SHISA7: variants seen among roughly 807,000 people sequenced by gnomAD.
SHISA7 encodes the protein protein shisa-7.
Under a neutral mutation model 23.9 loss-of-function variants are expected in SHISA7, and 6 were observed. The observed-to-expected ratio is 0.25, with a 90% CI of 0.14 to 0.50. The LOEUF (loss-of-function observed/expected upper bound fraction) is 0.50. Ranked by LOEUF, SHISA7 falls within the 20% of genes least tolerant of loss-of-function variation. SHISA7 has a pLI of 0.98. For synonymous variants in SHISA7, 386 were observed against 398.3 expected, an observed-to-expected ratio of 0.97 and a Z score of 0.37; for missense variants, 671 against 801.1, an observed-to-expected ratio of 0.84 and a Z score of 1.96.
At position 55,442,224 on chromosome 19, in the gene SHISA7, G is replaced by A; in HGVS notation, c.640C>T (p.Pro214Ser). The A allele has an allele frequency of 2.0e-6, 3 of 1,534,040 alleles. No homozygotes were observed. The highest frequency in any genetic ancestry group is 1.2e-5 in the South Asian group (1 of 83,978). Residue 214 changes from proline to serine, a missense_variant, in exon 1 of 4, where the codon CCC (proline) becomes TCC (serine). Physicochemically the swap from Pro to Ser is moderately conservative, Grantham distance 74. This residue lies in a region of SHISA7 where 457 missense variants were observed against 488.3 expected (regional missense o/e 0.94). Coordinates refer to ENST00000376325, the MANE Select transcript of SHISA7 (RefSeq NM_001145176.2). ...ACGTTGATATCCCGGTGCGCCCGGGGCGCACGGGACGCCTTGCTGAAGGCC... is the reference window on the plus strand; with the variant it reads ...ACGTTGATATCCCGGTGCGCCCGGGACGCACGGGACGCCTTGCTGAAGGCC... ...KVAFSKASRAPRAHRDINVPR... is the reference protein window; with the variant it reads ...KVAFSKASRASRAHRDINVPR...
Position 55,433,033 on chromosome 19 carries a change from TTTCA to T in SHISA7, c.*119_*122del. On this transcript the variant is annotated 3_prime_UTR_variant, in exon 4 of 4. Coordinates refer to ENST00000376325, the MANE Select transcript of SHISA7 (RefSeq NM_001145176.2). The surrounding 1 kb of genome is among the most constrained non-coding windows in gnomAD (Gnocchi z 8.4). ...CTGCCAGGACATCCCAGAAGGAGGC[TTTCA>T]CTCCTGTCCAAGGGCCGATCTGGGC... 8.2e-7 allele frequency: 1 copy of T among 1,215,918 alleles called. No homozygotes were observed. Among genetic ancestry groups the T allele is most frequent in the Non-Finnish European group, 1.1e-6 (1 of 924,962 alleles). The allele number at this position is 1,215,918 out of a possible 1,614,324, so 75.3% of individuals were successfully genotyped here.
At chr19:55,438,627 C>T in intron 2 of SHISA7, 1 of 1,304,272 alleles carries the variant, frequency 7.7e-7, no homozygotes, top group South Asian at 1.2e-5. Context: ...TGCAGATTAT[C>T]TGGGGGGACC....
At chr19:55,434,504 G>A (rs532407973) in intron 3 of SHISA7, among the ~76,000 whole-genome samples, 25 of 127,494 alleles carry the variant, frequency 2.0e-4, no homozygotes, top group African/African-American at 7.6e-4. Flanking sequence ...TATGTGGTGT[G>A]TATGTGGTGT....
chr19:55,433,722 C>G lies in SHISA7; in HGVS notation c.1051G>C (p.Ala351Pro), dbSNP rs1985273588. The G allele has an allele frequency of 3.4e-6, 5 of 1,473,258 alleles. No homozygotes were observed. The highest frequency in any genetic ancestry group is 1.9e-4 in the Middle Eastern group (1 of 5,404). 91.3% of individuals were successfully genotyped at this position (1,473,258 alleles called of 1,614,324 possible). ...CCCCCCGTGCCCGGCCGCCGCAGCGCGTGCAGGGGCAGCGTGCCGCGGGGC... is the reference window on the plus strand; with the variant it reads ...CCCCCCGTGCCCGGCCGCCGCAGCGGGTGCAGGGGCAGCGTGCCGCGGGGC... ...ELPRGTLPLH[A>P]LRRPGTGGGY... The change falls in exon 4 of 4, where the codon GCG (alanine) becomes CCG (proline). Residue 351 changes from alanine to proline, a missense_variant. By Grantham distance (27) the Ala-to-Pro change is conservative. Around this residue, in one of 5 missense-constraint regions of SHISA7, gnomAD observed 457 missense variants for 488.3 expected, o/e 0.94. Transcript: ENST00000376325. This position sits in a 1 kb window ranked among gnomAD's most constrained non-coding sequence, Gnocchi z 8.4.
rs549280083 is a variant in SHISA7, at chr19:55,437,664, G to A, written c.917C>T (p.Pro306Leu). 2 of 1,551,586 alleles carry A rather than the reference G, an allele frequency of 1.3e-6. No homozygotes were observed. The highest frequency in any genetic ancestry group is 1.2e-5 in the South Asian group (1 of 84,066). ...RSFHNLSHLPPSYEAAVKSEL... is the reference protein window; with the variant it reads ...RSFHNLSHLPLSYEAAVKSEL... ...GGATTTCACGGCAGCCTCGTAGGACGGGGGCAGATGCGAGAGGTTGTGGAA... is the reference window on the plus strand; with the variant it reads ...GGATTTCACGGCAGCCTCGTAGGACAGGGGCAGATGCGAGAGGTTGTGGAA... Residue 306 changes from proline (P) to leucine (L), a missense_variant, in exon 3 of 4, where the codon CCG (proline) becomes CTG (leucine). By Grantham distance (98) the Pro-to-Leu change is moderately conservative. Coordinates refer to ENST00000376325, the MANE Select transcript of SHISA7 (RefSeq NM_001145176.2).
chr19:55,434,896 GTGTGGTGTGTGTGTATA>G (rs1241994262), intron 3 of SHISA7, among the ~76,000 whole-genome samples: 49 of 118,228 alleles, frequency 4.1e-4, no homozygotes, highest in South Asian at 8.3e-4. Context: ...TATGTGGTGT[GTGTGGTGTGTGTGTATA>G]TGTGGTGTGT....
Position 55,432,584 on chromosome 19 carries a change from ACAT to A in SHISA7, c.*569_*571del, listed in dbSNP as rs1031112894. 2.6e-5 allele frequency: 4 copies of A among 152,642 alleles called. No individual in the cohort carries two copies. The highest frequency in any genetic ancestry group is 1.3e-4 in the Admixed American group (2 of 15,274). The allele number at this position is 152,642 out of a possible 1,614,324, so 9.5% of individuals were successfully genotyped here. On this transcript the variant is annotated 3_prime_UTR_variant, in exon 4 of 4. Transcript: ENST00000376325. The surrounding 1 kb of genome is among the most constrained non-coding windows in gnomAD (Gnocchi z 4.6). ...GAAGATGGCTTTGTCTGTAATGATGACATCATAGGACAGAGGCATCTTCTCTGC... is the reference window on the plus strand; with the variant it reads ...GAAGATGGCTTTGTCTGTAATGATGACATAGGACAGAGGCATCTTCTCTGC...
rs538716224 is a variant in SHISA7, at chr19:55,431,764, T to C, written c.*1392A>G. 5 of 152,180 alleles carry C rather than the reference T, an allele frequency of 3.3e-5. No individual in the cohort carries two copies. The highest frequency in any genetic ancestry group is 1.2e-4 in the African/African-American group (5 of 41,486). 9.4% of individuals were successfully genotyped at this position (152,180 alleles called of 1,614,324 possible). On this transcript the variant is annotated 3_prime_UTR_variant, in exon 4 of 4. Coordinates refer to ENST00000376325, the MANE Select transcript of SHISA7 (RefSeq NM_001145176.2). ...TCTCTAGATATGGCAGAAAGAAAAG[T>C]GAGGCCAGGCTATGGGACACCTATG...
rs1282314038 is a variant in SHISA7, at chr19:55,433,635, G to A, written c.1138C>T (p.Pro380Ser). The A allele has an allele frequency of 7.4e-6, 11 of 1,490,224 alleles. No individual in the cohort carries two copies. The highest frequency in any genetic ancestry group is 2.9e-5 in the East Asian group (1 of 34,640). The allele number at this position is 1,490,224 out of a possible 1,614,324, so 92.3% of individuals were successfully genotyped here. Residue 380 changes from proline (P) to serine (S), a missense_variant, in exon 4 of 4, where the codon CCC becomes TCC. Coordinates refer to ENST00000376325, the MANE Select transcript of SHISA7 (RefSeq NM_001145176.2). The surrounding 1 kb of genome is among the most constrained non-coding windows in gnomAD (Gnocchi z 8.4). ...EELGLAPAPN[P>S]RRVMSQEHLL... ...TGCTCCTGGGACATGACCCGCCGGG[G>A]GTTGGGCGCGGGCGCCAGGCCCAGC...
In SHISA7 at chr19:55,430,442, G is replaced by A. The variant is rs1350985377; in HGVS notation, c.*2714C>T. 1 of 152,346 alleles carries A rather than the reference G, an allele frequency of 6.6e-6. No individual in the cohort carries two copies. Among genetic ancestry groups the A allele is most frequent in the African/African-American group, 2.4e-5 (1 of 41,422 alleles). 9.4% of individuals were successfully genotyped at this position (152,346 alleles called of 1,614,324 possible). On this transcript the variant is annotated 3_prime_UTR_variant, in exon 4 of 4. Transcript: ENST00000376325. ...GGCTCCTAAGATGATGGCTCTTGGG[G>A]GATGATGGCACATGGTTGCAGTGGA...
intron 3 of SHISA7, among the ~76,000 whole-genome samples, chr19:55,435,175 G>GTA (rs1985411105): frequency 7.7e-6 from 1 of 129,604 alleles, no homozygotes; most frequent in Non-Finnish European, 1.6e-5. Context: ...TGTATGGTGT[G>GTA]TGTGGTTGTG....
At position 55,430,478 on chromosome 19, in the gene SHISA7, A is replaced by T. The variant is rs1046493939; in HGVS notation, c.*2678T>A. 3 of 152,220 alleles carry T rather than the reference A, an allele frequency of 2.0e-5. No homozygotes were observed. The highest frequency in any genetic ancestry group is 7.2e-5 in the African/African-American group (3 of 41,408). 9.4% of individuals were successfully genotyped at this position (152,220 alleles called of 1,614,324 possible). A position where few individuals can be genotyped will look rare whatever the true frequency, so the allele number is the denominator to read the frequency against. Reference sequence around the variant, plus strand: ...CATGGTTGCAGTGGACTCTGGGATGACACCAGGGTTATGGTGGATCCTAGT... The same window carrying T: ...CATGGTTGCAGTGGACTCTGGGATGTCACCAGGGTTATGGTGGATCCTAGT... On this transcript the variant is annotated 3_prime_UTR_variant, in exon 4 of 4. Coordinates refer to ENST00000376325, the MANE Select transcript of SHISA7 (RefSeq NM_001145176.2).
intron 1 of SHISA7, among the ~76,000 whole-genome samples, chr19:55,441,118 G>T (rs1305118417): frequency 1.3e-5 from 2 of 152,024 alleles, no homozygotes; most frequent in African/African-American, 2.4e-5. Flanking sequence ...CCAGTGATGC[G>T]GACCTCAAAC....
In SHISA7 at chr19:55,433,442, C is replaced by A; in HGVS notation, c.1331G>T (p.Arg444Leu). The A allele has an allele frequency of 7.5e-7, 1 of 1,336,390 alleles. No individual in the cohort carries two copies. Among genetic ancestry groups the A allele is most frequent in the South Asian group, 1.9e-5 (1 of 51,306 alleles). 82.8% of individuals were successfully genotyped at this position (1,336,390 alleles called of 1,614,324 possible). A position where few individuals can be genotyped will look rare whatever the true frequency, so the allele number is the denominator to read the frequency against. Reference protein sequence around the residue: ...SPALPPDPTARASLAASHSNL... With the variant: ...SPALPPDPTALASLAASHSNL... ...GGAGTGCGAGGCGGCCAGGCTGGCC[C>A]GGGCGGTGGGGTCGGGGGGCAGCGC... The change falls in exon 4 of 4, where the codon CGG (arginine) becomes CTG (leucine). Residue 444 changes from arginine (R) to leucine (L), a missense_variant. By Grantham distance (102) the Arg-to-Leu change is moderately radical (BLOSUM62 -2). Coordinates refer to ENST00000376325, the MANE Select transcript of SHISA7 (RefSeq NM_001145176.2). This position sits in a 1 kb window ranked among gnomAD's most constrained non-coding sequence, Gnocchi z 8.4.
At chr19:55,435,388 T>TGTGTGTGGTGTATATGTG (rs773141531) in intron 3 of SHISA7, among the ~76,000 whole-genome samples, 1 of 124,270 alleles carries the variant, frequency 8.0e-6, no homozygotes. Flanking sequence ...GTATATGTGG[T>TGTGTGTGGTGTATATGTG]GTGTGTGTGT....
rs890501177 is a variant in SHISA7, at chr19:55,431,357, G to A, written c.*1799C>T. 6.6e-6 allele frequency: 1 copy of A among 152,086 alleles called. No homozygotes were observed. The highest frequency in any genetic ancestry group is 2.4e-5 in the African/African-American group (1 of 41,370). 9.4% of individuals were successfully genotyped at this position (152,086 alleles called of 1,614,324 possible). Reference sequence around the variant, plus strand: ...TCTCTGTCAGGTGTAGTGGATTCTGGAAGGTAATGTCATCACTGGTCATGG... The same window carrying A: ...TCTCTGTCAGGTGTAGTGGATTCTGAAAGGTAATGTCATCACTGGTCATGG... On this transcript the variant is annotated 3_prime_UTR_variant, in exon 4 of 4. Transcript: ENST00000376325.
intron 3 of SHISA7, among the ~76,000 whole-genome samples, chr19:55,434,712 G>T (rs1468698105): frequency 2.6e-5 from 3 of 117,538 alleles, no homozygotes; most frequent in African/African-American, 3.5e-5. Flanking sequence ...TGTGGTGTGG[G>T]TGTGTGGTTG....
rs1440488646 is a variant in SHISA7, at chr19:55,432,283, A to C, written c.*873T>G. 2 of 152,766 alleles carry C rather than the reference A, an allele frequency of 1.3e-5. No homozygotes were observed. The highest frequency in any genetic ancestry group is 4.8e-5 in the African/African-American group (2 of 41,442). 9.5% of individuals were successfully genotyped at this position (152,766 alleles called of 1,614,324 possible). ...TTCTACAACATGGTGGCAGCAGTGG[A>C]GGCATCTCTTTGTGCCATCTCAGAG... On this transcript the variant is annotated 3_prime_UTR_variant, in exon 4 of 4. Coordinates refer to ENST00000376325, the MANE Select transcript of SHISA7 (RefSeq NM_001145176.2). This position sits in a 1 kb window ranked among gnomAD's most constrained non-coding sequence, Gnocchi z 4.6.
chr19:55,437,849 C>A (rs1985503632), intron 2 of SHISA7, 95 bp from the exon 3 acceptor site: 3 of 1,389,238 alleles, frequency 2.2e-6, no homozygotes, highest in Middle Eastern at 2.4e-4. Flanking sequence ...ACCCAGGAGT[C>A]CAGAAACCCA....
Sources: allele counts gnomAD v4.1 joint callset (sites outside exome capture counted in the v4.1 genomes callset), GRCh38; gene constraint gnomAD v4.1.1; regional missense constraint gnomAD v4.1.1; non-coding constraint Gnocchi (gnomAD v3.1); transcripts MANE v1.5; gene names NCBI Gene and HGNC (gene_info 2026-07-23, HGNC 2026-07-21).